The following MAGI1 variants were observed in gnomAD, a reference collection of about 807,000 sequenced individuals.
MAGI1 encodes the protein membrane associated guanylate kinase, WW and PDZ domain containing 1, also known as membrane-associated guanylate kinase, WW and PDZ domain-containing protein 1.
Under a neutral mutation model 139.9 loss-of-function variants are expected in MAGI1, and 58 were observed. That is an observed-to-expected ratio of 0.41 (90% CI 0.34 to 0.52). The LOEUF (loss-of-function observed/expected upper bound fraction) is 0.52, where lower values mean the gene tolerates loss of function less well. Among genes scored for constraint, MAGI1 ranks in the 20% least tolerant of loss-of-function variants. MAGI1 has a pLI of 0.12. For missense variants in MAGI1, 1,874 were observed against 1,901.6 expected (o/e 0.99, Z 0.27); for synonymous variants, 812 against 737.9 (o/e 1.10, Z -1.63).
At chr3:65,798,968 A>G (rs1044932783) in intron 1 of MAGI1, among the ~76,000 whole-genome samples, 4 of 152,146 alleles carry the variant, frequency 2.6e-5, no homozygotes, top group Admixed American at 1.3e-4. Context: ...TCAAAGTATC[A>G]CAGTGCTTGT....
At chr3:65,830,033 C>A (rs970405879) in intron 1 of MAGI1, among the ~76,000 whole-genome samples, 1 of 152,250 alleles carries the variant, frequency 6.6e-6, no homozygotes, top group South Asian at 2.1e-4. Flanking sequence ...TCCAGACACA[C>A]GTGAGATCAT....
chr3:65,558,887 A>G (rs951057589), intron 2 of MAGI1, among the ~76,000 whole-genome samples: 10 of 152,216 alleles, frequency 6.6e-5, no homozygotes, highest in African/African-American at 1.9e-4. Context: ...GTTCTAAGTC[A>G]TATGACAGAA....
At chr3:65,375,386 A>T (rs1942414705) in intron 18 of MAGI1, among the ~76,000 whole-genome samples, 1 of 152,022 alleles carries the variant, frequency 6.6e-6, no homozygotes, top group Non-Finnish European at 1.5e-5. Context: ...ACGGGGTTCC[A>T]CCGTGTTAGC....
At chr3:65,783,695 G>T (rs1689514377) in intron 1 of MAGI1, among the ~76,000 whole-genome samples, 1 of 150,198 alleles carries the variant, frequency 6.7e-6, no homozygotes, top group Non-Finnish European at 1.5e-5. Flanking sequence ...ATGGGGTTTT[G>T]CCACGTTGCC....
Position 65,490,861 on chromosome 3 carries a change from A to AAAG in MAGI1, c.550+2650_550+2651insCTT, listed in dbSNP as rs1559602467. Among the ~76,000 whole-genome samples, 4 of 149,938 alleles carry AAAG rather than the reference A, an allele frequency of 2.7e-5. 1 individual carries two copies. Among genetic ancestry groups the AAAG allele is most frequent in the African/African-American group, 7.4e-5 (3 of 40,716 alleles). On this transcript the variant is annotated intron_variant, in intron 3 of 22. Coordinates refer to ENST00000402939, the MANE Select transcript of MAGI1 (RefSeq NM_001033057.2). The stretch of plus-strand genomic sequence containing the variant: ...TCTGTCTCAAAAAAAAAAAAAAGAA[A>AAAG]AAAGAAAGAAAAATTATGAGCCCTC...
chr3:65,606,397 G>A (rs186584212), intron 2 of MAGI1, among the ~76,000 whole-genome samples: 2 of 152,196 alleles, frequency 1.3e-5, no homozygotes, highest in Admixed American at 1.3e-4. Context: ...CAGGAGTACA[G>A]TGGCACAATC....
chr3:65,918,674 C>T (rs765596837), intron 1 of MAGI1, among the ~76,000 whole-genome samples: 49 of 152,038 alleles, frequency 3.2e-4, no homozygotes, highest in Admixed American at 4.6e-4. Flanking sequence ...CCACCGCGCC[C>T]GGCCTCCACA....
At position 65,987,357 on chromosome 3, in the gene MAGI1, G is replaced by T. The variant is rs1222620636; in HGVS notation, c.313+50639C>A. 2.0e-5 allele frequency among the ~76,000 whole-genome samples: 3 copies of T among 152,156 alleles called. No individual in the cohort carries two copies. In the South Asian group the frequency reaches 6.2e-4, roughly 32 times the overall value. On this transcript the variant is annotated intron_variant, in intron 1 of 22. Coordinates refer to ENST00000402939, the MANE Select transcript of MAGI1 (RefSeq NM_001033057.2). Reference sequence around the variant, plus strand: ...GATGGCATCAGTACCGACCCCTCAGGGTTGGTATAAGGATTAAATCAAAGA... The same window carrying T: ...GATGGCATCAGTACCGACCCCTCAGTGTTGGTATAAGGATTAAATCAAAGA...
At position 65,892,925 on chromosome 3, in the gene MAGI1, A is replaced by T. The variant is rs536958760; in HGVS notation, c.313+145071T>A. Among the ~76,000 whole-genome samples the T allele has an allele frequency of 1.2e-4, 18 of 152,316 alleles. 1 individual carries two copies. The South Asian group carries it at 3.7e-3, about 32-fold the overall frequency. On this transcript the variant is annotated intron_variant, in intron 1 of 22. Coordinates refer to ENST00000402939, the MANE Select transcript of MAGI1 (RefSeq NM_001033057.2). ...GCCACCCAGGGTCAGAGGCAGAAACAAACAGAAATGTGAGCTCAGATTTGT... is the reference window on the plus strand; with the variant it reads ...GCCACCCAGGGTCAGAGGCAGAAACTAACAGAAATGTGAGCTCAGATTTGT...
intron 1 of MAGI1, among the ~76,000 whole-genome samples, chr3:65,865,705 A>G (rs1222498367): frequency 3.3e-5 from 5 of 152,206 alleles, no homozygotes; most frequent in African/African-American, 9.7e-5. Context: ...CAATGGCGCA[A>G]TCTCGGCTCA....
At chr3:65,894,922 G>A (rs1189386862) in intron 1 of MAGI1, among the ~76,000 whole-genome samples, 2 of 152,192 alleles carry the variant, frequency 1.3e-5, no homozygotes, top group Non-Finnish European at 2.9e-5. Context: ...TGTGCAATAT[G>A]AATGTTTACC....
intron 1 of MAGI1, among the ~76,000 whole-genome samples, chr3:65,870,231 C>CTTT (rs748483633): frequency 2.1e-5 from 3 of 145,784 alleles, no homozygotes; most frequent in Non-Finnish European, 3.0e-5. Flanking sequence ...CACTGAGATA[C>CTTT]TTTTTTTTTT....
At chr3:65,456,280 A>G (rs1949381544) in intron 5 of MAGI1, among the ~76,000 whole-genome samples, 1 of 152,228 alleles carries the variant, frequency 6.6e-6, no homozygotes, top group Middle Eastern at 3.4e-3. Flanking sequence ...GGCTGAACTA[A>G]TATTTCATGT....
At chr3:65,418,661 A>C (rs898359072) in intron 12 of MAGI1, among the ~76,000 whole-genome samples, 2 of 152,088 alleles carry the variant, frequency 1.3e-5, no homozygotes, top group Admixed American at 1.3e-4. Flanking sequence ...ATCCCTATCC[A>C]TACACAAGAA....
intron 1 of MAGI1, among the ~76,000 whole-genome samples, chr3:66,021,376 T>G (rs935906342): frequency 1.6e-4 from 24 of 152,186 alleles, no homozygotes; most frequent in African/African-American, 5.8e-4. Flanking sequence ...TCTAAATTAC[T>G]AAAACCCTGA....
intron 1 of MAGI1, among the ~76,000 whole-genome samples, chr3:65,650,859 T>C (rs547529676): frequency 6.6e-6 from 1 of 152,342 alleles, no homozygotes; most frequent in Admixed American, 6.5e-5. Context: ...ACTATACGAT[T>C]CTTACAATTT....
intron 1 of MAGI1, among the ~76,000 whole-genome samples, chr3:65,815,440 C>T (rs1375649986): frequency 6.6e-6 from 1 of 152,128 alleles, no homozygotes; most frequent in African/African-American, 2.4e-5. Context: ...CTATAGATGC[C>T]TTCCTACGCC....
rs1483781755 is a variant in MAGI1 at position 65,528,879 on chromosome 3, C to T, written c.431-35248G>A. Among the ~76,000 whole-genome samples the T allele has an allele frequency of 2.6e-5, 4 of 152,154 alleles. No homozygotes were observed. In the South Asian group the frequency reaches 6.2e-4, roughly 24 times the overall value. On this transcript the variant is annotated intron_variant, in intron 2 of 22. Coordinates refer to ENST00000402939, the MANE Select transcript of MAGI1 (RefSeq NM_001033057.2). Reference sequence around the variant, plus strand: ...TGGACAATAGAGTGAGAACTTGTCCCTACAAAAAAATTTAAAAATTAGCCA... The same window carrying T: ...TGGACAATAGAGTGAGAACTTGTCCTTACAAAAAAATTTAAAAATTAGCCA...
At chr3:65,442,914 C>A (rs1351118896) in intron 7 of MAGI1, 65 bp from the exon 8 acceptor site, 82 of 1,241,778 alleles carry the variant, frequency 6.6e-5, no homozygotes, top group Non-Finnish European at 5.8e-5. Flanking sequence ...GTGTTTTCAA[C>A]AACTGAGTTA....
Sources: allele counts gnomAD v4.1 joint callset (sites outside exome capture counted in the v4.1 genomes callset), GRCh38; gene constraint gnomAD v4.1.1; transcripts MANE v1.5; gene names NCBI Gene and HGNC (gene_info 2026-07-23, HGNC 2026-07-21).